Variants in CNTN3 observed in about 807,000 individuals in gnomAD.
CNTN3 encodes the protein contactin-3.
In CNTN3, 60 loss-of-function variants were observed where a neutral mutation model predicts 119.1. That is an observed-to-expected ratio of 0.50 (90% CI 0.41 to 0.62). The LOEUF (loss-of-function observed/expected upper bound fraction) is 0.62. Among genes scored for constraint, CNTN3 ranks in the 20% least tolerant of loss-of-function variants. CNTN3 has a pLI of 0.00. For missense variants in CNTN3, 1,101 were observed against 1,242.4 expected (o/e 0.89, Z 1.71); for synonymous variants, 450 against 438.7 (o/e 1.03, Z -0.32).
intron 4 of CNTN3, among the ~76,000 whole-genome samples, chr3:74,454,396 T>C (rs1184700075): frequency 5.3e-5 from 8 of 150,236 alleles, no homozygotes; most frequent in African/African-American, 2.0e-4. Context: ...ATTTTGAGCC[T>C]ATGTGTGTCT....
intron 4 of CNTN3, among the ~76,000 whole-genome samples, chr3:74,452,081 A>G (rs992260363): frequency 1.4e-5 from 2 of 147,416 alleles, no homozygotes; most frequent in Non-Finnish European, 3.0e-5. Flanking sequence ...TGGGGATGGC[A>G]TTGAATCTAT....
intron 5 of CNTN3, among the ~76,000 whole-genome samples, chr3:74,378,470 G>T (rs1005282244): frequency 1.3e-5 from 2 of 152,260 alleles, no homozygotes; most frequent in African/African-American, 4.8e-5. Flanking sequence ...ATACTACCAA[G>T]TCTGACTTGC....
intron 11 of CNTN3, among the ~76,000 whole-genome samples, chr3:74,348,038 G>T (rs143422248): frequency 2.0e-5 from 3 of 152,214 alleles, no homozygotes; most frequent in Admixed American, 6.5e-5. Context: ...GAGGATGGGG[G>T]AGATGGAGAA....
At chr3:74,589,914 A>G (rs1436641894) in intron 1 of CNTN3, among the ~76,000 whole-genome samples, 1 of 140,032 alleles carries the variant, frequency 7.1e-6, no homozygotes. Flanking sequence ...CAATGAGAAC[A>G]CATGGACACA....
At chr3:74,416,762 T>A (rs1295509136) in intron 5 of CNTN3, among the ~76,000 whole-genome samples, 1 of 152,056 alleles carries the variant, frequency 6.6e-6, no homozygotes, top group Non-Finnish European at 1.5e-5. Context: ...CCGAAGCGGT[T>A]GGATCACTTG....
intron 1 of CNTN3, among the ~76,000 whole-genome samples, chr3:74,564,874 G>A (rs1017421049): frequency 2.6e-5 from 4 of 151,964 alleles, no homozygotes; most frequent in East Asian, 1.9e-4. Flanking sequence ...TACCGACATC[G>A]TGGAACAATG....
chr3:74,510,490 AC>A lies in CNTN3; in HGVS notation c.55+10567del, dbSNP rs2107102741. ...AAATAGCACTTTCAACAGCAATAGC[AC>A]CCTAACAGTAATCTTTTGCAAACCT... On this transcript the variant is annotated intron_variant, in intron 2 of 22. Coordinates refer to ENST00000263665, the MANE Select transcript of CNTN3 (RefSeq NM_020872.3). 1.3e-5 allele frequency among the ~76,000 whole-genome samples: 2 copies of A among 152,252 alleles called. 1 individual carries two copies. The highest frequency in any genetic ancestry group is 4.1e-4 in the South Asian group (2 of 4,830).
intron 5 of CNTN3, among the ~76,000 whole-genome samples, chr3:74,390,451 C>T (rs1315693257): frequency 1.4e-5 from 2 of 141,436 alleles, no homozygotes; most frequent in South Asian, 4.4e-4. Context: ...TGTCAGTGTT[C>T]TTCCTTCCAT....
chr3:74,332,540 A>G (rs967904382), intron 13 of CNTN3, among the ~76,000 whole-genome samples: 11 of 152,248 alleles, frequency 7.2e-5, no homozygotes, highest in Admixed American at 2.0e-4. Context: ...GTTAAATTAC[A>G]TTATAAACTC....
intron 4 of CNTN3, among the ~76,000 whole-genome samples, chr3:74,479,963 T>A (rs1702733934): frequency 6.6e-6 from 1 of 152,048 alleles, no homozygotes; most frequent in Non-Finnish European, 1.5e-5. Context: ...ATAAGACTAC[T>A]ATTAGAAAAA....
Position 74,337,929 on chromosome 3 carries a change from G to GA in CNTN3, c.1365-1272dup, listed in dbSNP as rs527697370. ...TTAGAAGTGGTGTCATTTGAATTAC[G>GA]AAAAAAAAATGAGATGGGATTAACC... On this transcript the variant is annotated intron_variant, in intron 11 of 22. Transcript: ENST00000263665. Among the ~76,000 whole-genome samples, 19 of 148,524 alleles carry GA rather than the reference G, an allele frequency of 1.3e-4. No homozygotes were observed. The East Asian group carries it at 1.6e-3, about 12-fold the overall frequency.
At chr3:74,348,600 G>A (rs1264184045) in intron 11 of CNTN3, among the ~76,000 whole-genome samples, 3 of 152,124 alleles carry the variant, frequency 2.0e-5, no homozygotes, top group Non-Finnish European at 4.4e-5. Context: ...ATAAGCAGAG[G>A]CCTTGGGCTT....
chr3:74,309,371 A>G (rs1038095283), intron 13 of CNTN3, among the ~76,000 whole-genome samples: 4 of 152,054 alleles, frequency 2.6e-5, no homozygotes, highest in African/African-American at 9.7e-5. Context: ...ATTCTCCTTG[A>G]TTTAATCTAA....
chr3:74,343,543 T>C (rs1703600836), intron 11 of CNTN3, among the ~76,000 whole-genome samples: 1 of 152,222 alleles, frequency 6.6e-6, no homozygotes, highest in African/African-American at 2.4e-5. Context: ...TTTCATCACC[T>C]CAAGGTATGT....
chr3:74,579,927 C>T (rs1037750110), intron 1 of CNTN3, among the ~76,000 whole-genome samples: 15 of 151,896 alleles, frequency 9.9e-5, no homozygotes, highest in Non-Finnish European at 2.2e-4. Context: ...TAGAGAAAAT[C>T]AACAATGTAA....
intron 5 of CNTN3, among the ~76,000 whole-genome samples, chr3:74,382,857 G>A (rs1454581706): frequency 6.6e-6 from 1 of 152,196 alleles, no homozygotes; most frequent in Non-Finnish European, 1.5e-5. Context: ...TTCAGAAATG[G>A]TCTCTTTCTG....
chr3:74,599,230 C>G (rs1704865686), intron 1 of CNTN3, among the ~76,000 whole-genome samples: 1 of 152,042 alleles, frequency 6.6e-6, no homozygotes, highest in Non-Finnish European at 1.5e-5. Context: ...CACTGGGATA[C>G]AGGGGTAGCC....
chr3:74,297,758 C>T (rs561136010), intron 18 of CNTN3, among the ~76,000 whole-genome samples, 199 bp downstream of exon 18: 15 of 152,258 alleles, frequency 9.9e-5, no homozygotes, highest in African/African-American at 3.6e-4. Context: ...ACGGTTACAT[C>T]CTCTAACTAT....
rs745905141 is a variant in CNTN3, at chr3:74,334,879, G to A, written c.1524C>T (p.Asn508=). Residue 508 remains asparagine (N), a synonymous_variant, in exon 13 of 23, where the codon AAC becomes AAT. Transcript: ENST00000263665. ...EPTRITLAPS[N]MDVSVGESVI... is the part of the protein sequence containing the mutation. ...CGCTTTCACCAACAGAAACATCCAT[G>A]TTAGATGGTGCCAAAGTTATTCTTG... 6.2e-7 allele frequency: 1 copy of A among 1,612,832 alleles called. No individual in the cohort carries two copies. Among genetic ancestry groups the A allele is most frequent in the Admixed American group, 1.7e-5 (1 of 59,794 alleles).
Sources: allele counts gnomAD v4.1 joint callset (sites outside exome capture counted in the v4.1 genomes callset), GRCh38; gene constraint gnomAD v4.1.1; transcripts MANE v1.5; gene names NCBI Gene and HGNC (gene_info 2026-07-23, HGNC 2026-07-21).